SMU1: variants seen among roughly 807,000 people sequenced by gnomAD.
The protein encoded by SMU1 is SMU1 DNA replication regulator and spliceosomal factor, also known as WD40 repeat-containing protein SMU1.
Under a neutral mutation model 62.0 loss-of-function variants are expected in SMU1, and 2 were observed. That is an observed-to-expected ratio of 0.03 (90% confidence interval 0.01 to 0.10). The LOEUF (loss-of-function observed/expected upper bound fraction) is 0.10. SMU1 is among the 10% of genes least tolerant of loss of function. The pLI is 1.00. For synonymous variants in SMU1, 188 were observed against 212.4 expected (o/e 0.89, Z 1.00); for missense variants, 227 against 622.1 (o/e 0.36, Z 6.76).
intron 4 of SMU1, 44 bp from the exon 5 acceptor site, chr9:33,062,221 T>C (rs917371079): frequency 6.3e-6 from 10 of 1,588,176 alleles, no homozygotes; most frequent in Non-Finnish European, 8.5e-6. Context: ...CAGGTGCTTT[T>C]AAGATCTGGT....
At chr9:33,076,431 G>T in intron 1 of SMU1, 152 bp downstream of exon 1, 1 of 939,542 alleles carries the variant, frequency 1.1e-6, no homozygotes, top group Admixed American at 2.0e-5. Flanking sequence ...GCCCACCTCC[G>T]AGGTAGCGAG....
intron 6 of SMU1, 22 bp from the exon 7 acceptor site, chr9:33,057,736 G>A: frequency 6.2e-7 from 1 of 1,612,680 alleles, no homozygotes; most frequent in South Asian, 1.1e-5. Context: ...ATGGTTAGCA[G>A]TTATCAAAAT....
chr9:33,053,018 G>A (rs1839266401), intron 10 of SMU1, 105 bp downstream of exon 10: 1 of 974,936 alleles, frequency 1.0e-6, no homozygotes, highest in East Asian at 2.4e-5. Flanking sequence ...GGTTTACAGA[G>A]AAATGAACCC....
At position 33,048,250 on chromosome 9, in the gene SMU1, T is replaced by C; in HGVS notation, c.1299A>G (p.Arg433=). ...VIMNMQGQIV[R]SFSSGKREGG... is the part of the protein sequence containing the mutation. ...CTTCTCTTTTACCAGAACTGAAGCTTCTGACAATCTAGATCACACCACACC... is the reference window on the plus strand; with the variant it reads ...CTTCTCTTTTACCAGAACTGAAGCTCCTGACAATCTAGATCACACCACACC... Residue 433 remains arginine (R), a synonymous_variant, in exon 11 of 12, where the codon AGA becomes AGG. Coordinates refer to ENST00000397149, the MANE Select transcript of SMU1 (RefSeq NM_018225.3). 1 of 1,614,122 alleles carries C rather than the reference T, an allele frequency of 6.2e-7. No individual in the cohort carries two copies. The highest frequency in any genetic ancestry group is 8.5e-7 in the Non-Finnish European group (1 of 1,179,994).
At chr9:33,075,195 T>C (rs958762575) in intron 1 of SMU1, among the ~76,000 whole-genome samples, 1 of 152,112 alleles carries the variant, frequency 6.6e-6, no homozygotes, top group African/African-American at 2.4e-5. Flanking sequence ...GCTAACACGG[T>C]GAAACCCCGT....
chr9:33,051,550 T>C (rs1839249558), intron 10 of SMU1, among the ~76,000 whole-genome samples: 2 of 152,206 alleles, frequency 1.3e-5, no homozygotes, highest in South Asian at 4.1e-4. Flanking sequence ...TGTGGAAGGC[T>C]GTGCCCGTGG....
At chr9:33,055,367 G>A (rs1203430664) in intron 9 of SMU1, among the ~76,000 whole-genome samples, 1 of 151,978 alleles carries the variant, frequency 6.6e-6, no homozygotes, top group Non-Finnish European at 1.5e-5. Flanking sequence ...ACTTAAATAT[G>A]TATCTAAAAT....
intron 4 of SMU1, among the ~76,000 whole-genome samples, chr9:33,062,792 G>GATATTCCCCTCCTAGGGT (rs1264610523): frequency 6.6e-6 from 1 of 151,990 alleles, no homozygotes; most frequent in African/African-American, 2.4e-5. Flanking sequence ...CTATTTTGGG[G>GATATTCCCCTCCTAGGGT]ATATTCCCCT....
chr9:33,061,124 T>C (rs1213740276), intron 5 of SMU1, among the ~76,000 whole-genome samples: 1 of 152,250 alleles, frequency 6.6e-6, no homozygotes, highest in Non-Finnish European at 1.5e-5. Flanking sequence ...GCTAATATAC[T>C]GTCTGATAAA....
rs558099028 is a variant in SMU1 at position 33,076,570 on chromosome 9, C to T, written c.26+13G>A. 1 of 1,613,836 alleles carries T rather than the reference C, an allele frequency of 6.2e-7. No individual in the cohort carries two copies. The highest frequency in any genetic ancestry group is 1.1e-5 in the South Asian group (1 of 91,088). On this transcript the variant is annotated intron_variant, in intron 1 of 11. Transcript: ENST00000397149. ...CCCCGGCAAGGCGCGAACATCCCCA[C>T]CGCAGGACTCACTCCGAAGATTCGA...
chr9:33,048,390 A>C, intron 10 of SMU1, 132 bp from the exon 11 acceptor site: 1 of 1,091,046 alleles, frequency 9.2e-7, no homozygotes, highest in African/African-American at 1.6e-5. Context: ...TTAGATCTCC[A>C]GTCCTGTTCA....
At chr9:33,071,527 T>C (rs530319066) in intron 3 of SMU1, among the ~76,000 whole-genome samples, 4 of 152,256 alleles carry the variant, frequency 2.6e-5, no homozygotes, top group African/African-American at 4.8e-5. Flanking sequence ...CTGAGGTGTA[T>C]AGAAGACTCA....
intron 4 of SMU1, among the ~76,000 whole-genome samples, chr9:33,067,649 C>A (rs1308193084): frequency 1.3e-5 from 2 of 152,042 alleles, no homozygotes; most frequent in African/African-American, 2.4e-5. Context: ...CAGGTTCCTG[C>A]CACCACGCCC....
intron 10 of SMU1, among the ~76,000 whole-genome samples, chr9:33,051,767 T>C (rs1039369947): frequency 6.6e-6 from 1 of 152,108 alleles, no homozygotes; most frequent in Non-Finnish European, 1.5e-5. Flanking sequence ...AACCATTCTG[T>C]ATCCTGGCCA....
rs182877814 is a variant in SMU1, at chr9:33,050,520, A to C, written c.1291-2262T>G. On this transcript the variant is annotated intron_variant, in intron 10 of 11. Transcript: ENST00000397149. ...ATGACTGGATAAATAAATGTTATTAAGCACTTAAAAAAAAAAAAAAAAAAA... is the reference window on the plus strand; with the variant it reads ...ATGACTGGATAAATAAATGTTATTACGCACTTAAAAAAAAAAAAAAAAAAA... Among the ~76,000 whole-genome samples the C allele has an allele frequency of 6.1e-4, 92 of 150,268 alleles. 1 individual carries two copies. The highest frequency in any genetic ancestry group is 2.7e-4 in the Non-Finnish European group (18 of 67,726).
intron 6 of SMU1, among the ~76,000 whole-genome samples, 194 bp downstream of exon 6, chr9:33,060,271 A>G (rs1232261091): frequency 6.6e-6 from 1 of 152,218 alleles, no homozygotes; most frequent in East Asian, 1.9e-4. Context: ...CTCCTGCCTC[A>G]GCCTCCTCAG....
rs567919193 is a variant in SMU1 at position 33,066,530 on chromosome 9, G to A, written c.501+2294C>T. ...TAAAAAAAAAAAAAAAAAAAAGGCT[G>A]GGTGCGGTGGCTCACGCCTGTAATC... On this transcript the variant is annotated intron_variant, in intron 4 of 11. Coordinates refer to ENST00000397149, the MANE Select transcript of SMU1 (RefSeq NM_018225.3). Among the ~76,000 whole-genome samples, 33 of 121,404 alleles carry A rather than the reference G, an allele frequency of 2.7e-4. No individual in the cohort carries two copies. The South Asian group carries it at 8.3e-3, about 31-fold the overall frequency. 79.6% of individuals were successfully genotyped at this position (121,404 alleles called of 152,430 possible). A position where few individuals can be genotyped will look rare whatever the true frequency, so the allele number is the denominator to read the frequency against.
chr9:33,071,665 A>T, intron 3 of SMU1, 75 bp downstream of exon 3: 2 of 409,552 alleles, frequency 4.9e-6, no homozygotes, highest in Non-Finnish European at 6.8e-6. Flanking sequence ...TAAAATGGTA[A>T]AAAAAAAAAA....
chr9:33,063,058 G>T (rs10971375), intron 4 of SMU1, among the ~76,000 whole-genome samples: 5,989 of 152,158 alleles, frequency 0.039, 148 homozygotes, highest in East Asian at 0.11. Context: ...TGAAAAAGTC[G>T]GGAAAAAAAG....
Sources: allele counts gnomAD v4.1 joint callset (sites outside exome capture counted in the v4.1 genomes callset), GRCh38; gene constraint gnomAD v4.1.1; transcripts MANE v1.5; gene names NCBI Gene and HGNC (gene_info 2026-07-23, HGNC 2026-07-21).